Variants in MROH2A observed in about 807,000 individuals in gnomAD.
MROH2A encodes the protein maestro heat like repeat family member 2A.
A neutral mutation model predicts 200.4 loss-of-function variants in MROH2A; 174 were observed. That is an observed-to-expected ratio of 0.87 (90% CI 0.77 to 0.98). MROH2A has a LOEUF of 0.98. Among genes scored for constraint, MROH2A ranks in the 50% least tolerant of loss-of-function variants. MROH2A has a pLI of 0.00. For synonymous variants in MROH2A, 829 were observed against 840.4 expected, an observed-to-expected ratio of 0.99 and a Z score of 0.23; for missense variants, 2,045 against 2,139.6, an observed-to-expected ratio of 0.96 and a Z score of 0.87.
chr2:233,813,558 A>G, intron 24 of MROH2A, 112 bp from the exon 25 acceptor site: 2 of 645,718 alleles, frequency 3.1e-6, no homozygotes, highest in Admixed American at 2.6e-5. Flanking sequence ...CAACTGGAGA[A>G]GTAGGCCTCT....
At chr2:233,776,620 G>C (rs1225391329), upstream of MROH2A, among the ~76,000 whole-genome samples, 2 of 151,984 alleles carry the variant, frequency 1.3e-5, no homozygotes, top group Non-Finnish European at 2.9e-5. Context: ...TTCCTCCTTG[G>C]TCTCACTGTC....
At position 233,807,662 on chromosome 2, in the gene MROH2A, CGT is replaced by C. The variant is rs1702890582; in HGVS notation, c.2173-61_2173-60del. 4 of 1,546,856 alleles carry C rather than the reference CGT, an allele frequency of 2.6e-6. No homozygotes were observed. Among genetic ancestry groups the C allele is most frequent in the Non-Finnish European group, 3.5e-6 (4 of 1,144,834 alleles). On this transcript the variant is annotated intron_variant, in intron 20 of 41. Coordinates refer to ENST00000389758, the MANE Select transcript of MROH2A (RefSeq NM_001394639.1). This position sits in a 1 kb window ranked among gnomAD's most constrained non-coding sequence, Gnocchi z 4.3. The stretch of plus-strand genomic sequence containing the variant: ...TGTGTACATGTGTGTGTGCCTTGCA[CGT>C]GTGTGTGTGGGATCCTCCTCTGCCC...
chr2:233,829,022 G>A lies in MROH2A; in HGVS notation c.4396G>A (p.Gly1466Arg), dbSNP rs1704530345. The change falls in exon 37 of 42, where the codon GGG becomes AGG. Residue 1466 changes from glycine (G) to arginine (R), a missense_variant. Around this residue, in one of 3 missense-constraint regions of MROH2A, gnomAD observed 1,201 missense variants for 1,311.3 expected, o/e 0.92. Coordinates refer to ENST00000389758, the MANE Select transcript of MROH2A (RefSeq NM_001394639.1). ...ILAELREGDV[G>R]SSFDAMSEQC... ...GGCTGAGCTCCGGGAAGGGGATGTGGGGTCCTCTTTCGACGCCATGTCTGA... is the reference window on the plus strand; with the variant it reads ...GGCTGAGCTCCGGGAAGGGGATGTGAGGTCCTCTTTCGACGCCATGTCTGA... 3.2e-6 allele frequency: 5 copies of A among 1,549,870 alleles called. No individual in the cohort carries two copies. The highest frequency in any genetic ancestry group is 4.4e-6 in the Non-Finnish European group (5 of 1,146,666).
intron 22 of MROH2A, among the ~76,000 whole-genome samples, chr2:233,809,535 C>T (rs994019157): frequency 6.6e-5 from 10 of 152,090 alleles, no homozygotes; most frequent in Non-Finnish European, 1.3e-4. Flanking sequence ...ACAAGATGAG[C>T]CCCACCTCTT....
At chr2:233,827,483 C>T (rs1018905039) in intron 35 of MROH2A, among the ~76,000 whole-genome samples, 75 of 152,194 alleles carry the variant, frequency 4.9e-4, no homozygotes, top group African/African-American at 1.8e-3. Context: ...AGAAACCAAA[C>T]ACCACATGTT....
At chr2:233,821,462 G>T (rs975203703) in intron 31 of MROH2A, among the ~76,000 whole-genome samples, 1 of 152,170 alleles carries the variant, frequency 6.6e-6, no homozygotes, top group Non-Finnish European at 1.5e-5. Flanking sequence ...GGTTCCAATA[G>T]TCAGTTTACA....
chr2:233,779,714 C>G lies in MROH2A; in HGVS notation c.138C>G (p.Ser46Arg). 6.4e-7 allele frequency: 1 copy of G among 1,551,164 alleles called. No individual in the cohort carries two copies. The highest frequency in any genetic ancestry group is 1.2e-5 in the South Asian group (1 of 84,060). ...TGAACCTTCTGGACATCATTGACAGCGAGTCAGCAAAGACGGACACAACAG... is the reference window on the plus strand; with the variant it reads ...TGAACCTTCTGGACATCATTGACAGGGAGTCAGCAAAGACGGACACAACAG... ...QVVNLLDIIDSESAKTDTTGA... is the reference protein window; with the variant it reads ...QVVNLLDIIDRESAKTDTTGA... Residue 46 changes from serine to arginine, a missense_variant, in exon 3 of 42, where the codon AGC becomes AGG. Physicochemically the swap from Ser to Arg is moderately radical, Grantham distance 110. Around this residue, in one of 3 missense-constraint regions of MROH2A, gnomAD observed 831 missense variants for 800.0 expected, o/e 1.04. Coordinates refer to ENST00000389758, the MANE Select transcript of MROH2A (RefSeq NM_001394639.1).
chr2:233,788,342 C>T (rs1701503930), intron 3 of MROH2A, among the ~76,000 whole-genome samples: 2 of 149,558 alleles, frequency 1.3e-5, no homozygotes, highest in African/African-American at 4.9e-5. Flanking sequence ...CAGCACTGAG[C>T]AGCTACTAAG....
chr2:233,795,704 C>T lies in MROH2A; in HGVS notation c.1018C>T (p.Gln340Ter), dbSNP rs1559449234. 1 of 1,551,150 alleles carries T rather than the reference C, an allele frequency of 6.4e-7. No homozygotes were observed. Residue 340 changes from glutamine (Q) to a stop codon, truncating the protein, a stop_gained, in exon 9 of 42, where the codon CAA (glutamine) becomes TAA (stop). Coordinates refer to ENST00000389758, the MANE Select transcript of MROH2A (RefSeq NM_001394639.1). LOFTEE classifies it high-confidence loss of function. ...LSVTTNTPVP[Q>*]MQLHTIFTEL... ...AGTCACCACCAACACCCCTGTCCCC[C>T]AAATGCAGCTACACACCATTTTCAC...
rs749337250 is a variant in MROH2A, at chr2:233,823,645, T to A, written c.4094T>A (p.Ile1365Asn). ...GACTCAGAAGTCCTGAGCTGCCGCA[T>A]CAGCAGCACAGCGGTCTGCGTGGAA... ...GMDSEVLSCR[I>N]SSTAVCFMSG... The change falls in exon 35 of 42, where the codon ATC (isoleucine) becomes AAC (asparagine). Residue 1365 changes from isoleucine (I) to asparagine (N), a missense_variant. Ile to Asn is a moderately radical substitution (Grantham distance 149). Around this residue, in one of 3 missense-constraint regions of MROH2A, gnomAD observed 1,201 missense variants for 1,311.3 expected, o/e 0.92. Transcript: ENST00000389758. 7 of 1,550,306 alleles carry A rather than the reference T, an allele frequency of 4.5e-6. No homozygotes were observed. The highest frequency in any genetic ancestry group is 8.7e-7 in the Non-Finnish European group (1 of 1,146,944).
chr2:233,801,848 G>A (rs752797628), intron 14 of MROH2A, among the ~76,000 whole-genome samples: 12 of 152,212 alleles, frequency 7.9e-5, no homozygotes, highest in Non-Finnish European at 1.6e-4. Flanking sequence ...GAGGACTTGG[G>A]ATCAGAGGGA....
chr2:233,789,902 G>C lies in MROH2A; in HGVS notation c.459G>C (p.Leu153=), dbSNP rs1237579579. The C allele has an allele frequency of 6.5e-7, 1 of 1,550,346 alleles. No individual in the cohort carries two copies. Among genetic ancestry groups the C allele is most frequent in the Non-Finnish European group, 8.7e-7 (1 of 1,146,938 alleles). ...AEVASDTLVA[L]SRNHFSLVMY... Reference sequence around the variant, plus strand: ...TGGCCAGCGACACACTGGTGGCTCTGTCCCGAAACCACTTCAGCTTGGTCA... The same window carrying C: ...TGGCCAGCGACACACTGGTGGCTCTCTCCCGAAACCACTTCAGCTTGGTCA... Residue 153 remains leucine, a synonymous_variant, in exon 5 of 42, where the codon CTG becomes CTC. Transcript: ENST00000389758.
In MROH2A at chr2:233,822,967, ACCT is replaced by A. The variant is rs769265262; in HGVS notation, c.3957_3959del (p.Leu1320del). On this transcript the variant is annotated inframe_deletion, in exon 34 of 42. Coordinates refer to ENST00000389758, the MANE Select transcript of MROH2A (RefSeq NM_001394639.1). Reference sequence around the variant, plus strand: ...ACCCTGGACGAGCAGGCAGTGTGGGACCTCCTGCAGGACGGCGGGACATTCCTG... The same window carrying A: ...ACCCTGGACGAGCAGGCAGTGTGGGACCTGCAGGACGGCGGGACATTCCTG... 3.2e-6 allele frequency: 5 copies of A among 1,550,314 alleles called. No homozygotes were observed. The highest frequency in any genetic ancestry group is 4.4e-6 in the Non-Finnish European group (5 of 1,146,944).
chr2:233,830,338 A>G (rs1704640523), intron 38 of MROH2A, among the ~76,000 whole-genome samples: 1 of 152,174 alleles, frequency 6.6e-6, no homozygotes, highest in Non-Finnish European at 1.5e-5. Context: ...TGCATGGCCC[A>G]TGACCTTGAC....
chr2:233,825,995 G>T lies in MROH2A; in HGVS notation c.4113+2331G>T, dbSNP rs1310819074. ...GCTGGAGTGCAATGGCGTGATCTCA[G>T]CTCACTGCAACCTCCACCTCCCGGG... On this transcript the variant is annotated intron_variant, in intron 35 of 41. Transcript: ENST00000389758. 1.1e-4 allele frequency among the ~76,000 whole-genome samples: 15 copies of T among 135,046 alleles called. No homozygotes were observed. In the Admixed American group the frequency reaches 1.3e-3, roughly 12 times the overall value. The allele number at this position is 135,046 out of a possible 152,430, so 88.6% of individuals were successfully genotyped here.
chr2:233,829,853 C>T (rs1704600388), intron 38 of MROH2A, 78 bp downstream of exon 38: 1 of 1,225,070 alleles, frequency 8.2e-7, no homozygotes, highest in Non-Finnish European at 1.0e-6. Context: ...GGTCTGCTGG[C>T]TCGGTGAGCT....
chr2:233,812,786 C>A (rs561949160), intron 24 of MROH2A, among the ~76,000 whole-genome samples: 27 of 152,280 alleles, frequency 1.8e-4, no homozygotes, highest in African/African-American at 6.5e-4. Flanking sequence ...GGGCTACTAA[C>A]AAAAGCAACT....
At chr2:233,776,272 G>A (rs1048863753), upstream of MROH2A, among the ~76,000 whole-genome samples, 13 of 152,122 alleles carry the variant, frequency 8.5e-5, no homozygotes, top group Admixed American at 3.3e-4. Flanking sequence ...GTGCCATAGA[G>A]TGACAGCACC....
intron 40 of MROH2A, 45 bp downstream of exon 40, chr2:233,832,324 C>A: frequency 6.6e-7 from 1 of 1,505,992 alleles, no homozygotes; most frequent in Non-Finnish European, 9.0e-7. Flanking sequence ...CTTTGAAGGC[C>A]CTCTAGTCCA....
Sources: allele counts gnomAD v4.1 joint callset (sites outside exome capture counted in the v4.1 genomes callset), GRCh38; gene constraint gnomAD v4.1.1; regional missense constraint gnomAD v4.1.1; non-coding constraint Gnocchi (gnomAD v3.1); transcripts MANE v1.5; gene names NCBI Gene and HGNC (gene_info 2026-07-23, HGNC 2026-07-21).